NUB1: variants seen among roughly 807,000 people sequenced by gnomAD.
The protein encoded by NUB1 is negative regulator of ubiquitin like proteins 1.
A neutral mutation model predicts 77.1 loss-of-function variants in NUB1; 41 were observed. That is an observed-to-expected ratio of 0.53 (90% CI 0.41 to 0.69). The LOEUF (loss-of-function observed/expected upper bound fraction) is 0.69, where lower values mean the gene tolerates loss of function less well. Among genes scored for constraint, NUB1 ranks in the 30% least tolerant of loss-of-function variants. The pLI is 0.00. For synonymous variants in NUB1, 257 were observed against 281.0 expected (o/e 0.91, Z 0.85); for missense variants, 643 against 743.8 (o/e 0.86, Z 1.58).
Position 151,366,925 on chromosome 7 carries a change from C to T in NUB1, c.801-14C>T. On this transcript the variant is annotated splice_polypyrimidine_tract_variant and intron_variant, in intron 8 of 14. Coordinates refer to ENST00000568733, the MANE Select transcript of NUB1 (RefSeq NM_001243351.2). ...TGCTGCTTGGCAGTGATGTCACTGTCCTTCTCTTTCCAGTGAGTGTTGCAG... is the reference window on the plus strand; with the variant it reads ...TGCTGCTTGGCAGTGATGTCACTGTTCTTCTCTTTCCAGTGAGTGTTGCAG... 2 of 1,573,338 alleles carry T rather than the reference C, an allele frequency of 1.3e-6. No individual in the cohort carries two copies. The highest frequency in any genetic ancestry group is 1.7e-6 in the Non-Finnish European group (2 of 1,158,234).
At chr7:151,346,977 C>T (rs996026156) in intron 2 of NUB1, among the ~76,000 whole-genome samples, 15 of 152,036 alleles carry the variant, frequency 9.9e-5, no homozygotes, top group Admixed American at 3.3e-4. Context: ...TGGAGTCTAA[C>T]GCTAACTCTG....
intron 5 of NUB1, among the ~76,000 whole-genome samples, chr7:151,355,113 T>C (rs1249076231): frequency 6.6e-6 from 1 of 152,220 alleles, no homozygotes; most frequent in African/African-American, 2.4e-5. Context: ...GGCTTTATTA[T>C]TTTTTCAACT....
chr7:151,371,640 A>C (rs1029182022), intron 11 of NUB1, among the ~76,000 whole-genome samples: 2 of 152,200 alleles, frequency 1.3e-5, no homozygotes, highest in African/African-American at 4.8e-5. Flanking sequence ...GTCCCACAGA[A>C]AGTGAGCTCC....
chr7:151,374,967 G>A (rs1456886344), intron 12 of NUB1, among the ~76,000 whole-genome samples: 5 of 151,786 alleles, frequency 3.3e-5, no homozygotes, highest in African/African-American at 7.3e-5. Flanking sequence ...GCAGCGCGGC[G>A]GGCAGGAAGC....
At chr7:151,358,688 C>T (rs1282025644) in intron 7 of NUB1, among the ~76,000 whole-genome samples, 1 of 152,196 alleles carries the variant, frequency 6.6e-6, no homozygotes, top group Non-Finnish European at 1.5e-5. Flanking sequence ...AAGGTTGGGA[C>T]TACTGCTTTA....
chr7:151,344,981 C>T (rs1399763545), intron 1 of NUB1, among the ~76,000 whole-genome samples: 1 of 152,150 alleles, frequency 6.6e-6, no homozygotes, highest in East Asian at 1.9e-4. Flanking sequence ...GCCTGGGCGA[C>T]AGAGCGAGAC....
At chr7:151,368,627 G>A (rs2150704902) in intron 10 of NUB1, 108 bp from the exon 11 acceptor site, 1 of 1,267,574 alleles carries the variant, frequency 7.9e-7, no homozygotes, top group East Asian at 2.5e-5. Context: ...AAAATCTGAT[G>A]CCTTTTAATT....
At chr7:151,345,535 T>A in intron 2 of NUB1, 69 bp downstream of exon 2, 2 of 878,084 alleles carry the variant, frequency 2.3e-6, no homozygotes, top group South Asian at 3.3e-5. Flanking sequence ...GATTCTGAAT[T>A]GTCAGGCATG....
At chr7:151,376,030 G>A in intron 13 of NUB1, 87 bp downstream of exon 13, 1 of 838,238 alleles carries the variant, frequency 1.2e-6, no homozygotes, top group East Asian at 2.5e-5. Flanking sequence ...CAGCAGGACT[G>A]GGGGAGTCCG....
At chr7:151,371,391 C>T (rs1172598125) in intron 11 of NUB1, among the ~76,000 whole-genome samples, 1 of 120,344 alleles carries the variant, frequency 8.3e-6, no homozygotes, top group Non-Finnish European at 1.6e-5. Context: ...TCAGTGTCAT[C>T]CAGTCACAAC....
chr7:151,345,511 T>A (rs1225818769), intron 2 of NUB1, 45 bp downstream of exon 2: 3 of 1,017,588 alleles, frequency 2.9e-6, no homozygotes, highest in Admixed American at 2.4e-5. Flanking sequence ...ATTATAAATC[T>A]CCTTGGTAAA....
chr7:151,351,060 A>C (rs1584940458), intron 3 of NUB1: 1 of 260,332 alleles, frequency 3.8e-6, no homozygotes, highest in East Asian at 1.3e-4. Context: ...CTGTAGCAGC[A>C]GAAAATGGAT....
At chr7:151,368,068 T>A (rs531757479) in intron 10 of NUB1, 100 bp downstream of exon 10, 2 of 683,948 alleles carry the variant, frequency 2.9e-6, no homozygotes, top group Non-Finnish European at 2.5e-6. Context: ...GTGAGAAACA[T>A]GCCTGTGCTT....
chr7:151,351,548 CT>C (rs1431382398), intron 4 of NUB1, 66 bp downstream of exon 4: 1 of 1,129,482 alleles, frequency 8.9e-7, no homozygotes, highest in African/African-American at 1.6e-5. Flanking sequence ...ATTTGATCCT[CT>C]GTGAGCGTCC....
intron 8 of NUB1, among the ~76,000 whole-genome samples, chr7:151,362,249 TTCCTGGGCATCTATTTA>T (rs773050525): frequency 4.8e-4 from 73 of 152,338 alleles, no homozygotes; most frequent in Admixed American, 1.4e-3. Flanking sequence ...AGTTTTTTTT[TTCCTGGGCATCTATTTA>T]TCCTGGGCAT....
chr7:151,349,212 A>G lies in NUB1; in HGVS notation c.257A>G (p.Glu86Gly), dbSNP rs757137843. ...NYRTTGIATI[E>G]VFLPPRLKKD... ...AGAACAACGGGAATTGCTACAATCG[A>G]GGTGTTTTTACCACCAAGACTAAAA... Residue 86 changes from glutamate to glycine, a missense_variant, in exon 3 of 15, where the codon GAG (glutamate) becomes GGG (glycine). Glu to Gly is a moderately conservative substitution (Grantham distance 98, BLOSUM62 -2). Transcript: ENST00000568733. 6.2e-7 allele frequency: 1 copy of G among 1,612,010 alleles called. No homozygotes were observed. The highest frequency in any genetic ancestry group is 8.5e-7 in the Non-Finnish European group (1 of 1,179,274).
Position 151,375,833 on chromosome 7 carries a change from TC to T in NUB1, c.1396-13del, listed in dbSNP as rs772949363. 7.1e-6 allele frequency: 11 copies of T among 1,554,424 alleles called. No homozygotes were observed. The Admixed American group carries it at 1.8e-4, about 26-fold the overall frequency. Reference sequence around the variant, plus strand: ...GTTCTTAGTGATGGGTAAAGGGTGTTCCTGTGTGTTTTAGATTCTGCTCAGC... The same window carrying T: ...GTTCTTAGTGATGGGTAAAGGGTGTTCTGTGTGTTTTAGATTCTGCTCAGC... On this transcript the variant is annotated splice_polypyrimidine_tract_variant and intron_variant, in intron 12 of 14. Transcript: ENST00000568733.
At chr7:151,345,023 G>A (rs546758620) in intron 1 of NUB1, among the ~76,000 whole-genome samples, 2 of 152,202 alleles carry the variant, frequency 1.3e-5, no homozygotes, top group East Asian at 3.9e-4. Flanking sequence ...AGAAGTTCAC[G>A]ACTCGAGGGA....
chr7:151,365,036 C>T (rs1359041050), intron 8 of NUB1, among the ~76,000 whole-genome samples: 1 of 149,768 alleles, frequency 6.7e-6, no homozygotes, highest in Non-Finnish European at 1.5e-5. Context: ...GTTGTTCAGG[C>T]TGGTCTCAAA....
Sources: allele counts gnomAD v4.1 joint callset (sites outside exome capture counted in the v4.1 genomes callset), GRCh38; gene constraint gnomAD v4.1.1; transcripts MANE v1.5; gene names NCBI Gene and HGNC (gene_info 2026-07-23, HGNC 2026-07-21).